The following PTPRD variants were observed in gnomAD, a reference collection of about 807,000 sequenced individuals.
The protein encoded by PTPRD is protein tyrosine phosphatase receptor type D.
In PTPRD, 34 loss-of-function variants were observed where a neutral mutation model predicts 214.5. The observed-to-expected ratio is 0.16, with a 90% CI of 0.12 to 0.21. The LOEUF (loss-of-function observed/expected upper bound fraction) is 0.21. PTPRD is among the 10% of genes least tolerant of loss of function. PTPRD has a pLI of 1.00. For missense variants in PTPRD, 2,545 were observed against 2,398.7 expected, an observed-to-expected ratio of 1.06 and a Z score of -1.27; for synonymous variants, 1,128 against 845.7, an observed-to-expected ratio of 1.33 and a Z score of -5.79.
chr9:9,420,760 G>A (rs1337761815), intron 8 of PTPRD, among the ~76,000 whole-genome samples: 3 of 151,750 alleles, frequency 2.0e-5, no homozygotes, highest in African/African-American at 7.3e-5. Flanking sequence ...TTTATGACAT[G>A]GAAAGATGCC....
intron 9 of PTPRD, among the ~76,000 whole-genome samples, chr9:9,264,929 T>A (rs1213631779): frequency 4.0e-5 from 6 of 149,256 alleles, no homozygotes; most frequent in Non-Finnish European, 7.4e-5. Flanking sequence ...CAACCAAGAA[T>A]ATTTTAAAGC....
intron 7 of PTPRD, among the ~76,000 whole-genome samples, chr9:9,635,265 A>G (rs1301128924): frequency 6.6e-6 from 1 of 152,180 alleles, no homozygotes; most frequent in Non-Finnish European, 1.5e-5. Context: ...TTGAGAGCAT[A>G]CTGTGTGTTA....
At chr9:8,952,757 G>A (rs987972498) in intron 11 of PTPRD, among the ~76,000 whole-genome samples, 1 of 151,824 alleles carries the variant, frequency 6.6e-6, no homozygotes, top group African/African-American at 2.4e-5. Context: ...TGAATTCTAG[G>A]TAGAAGTGAT....
intron 30 of PTPRD, among the ~76,000 whole-genome samples, chr9:8,479,429 T>A (rs2096834393): frequency 6.6e-6 from 1 of 152,244 alleles, no homozygotes; most frequent in African/African-American, 2.4e-5. Flanking sequence ...TAGTTTGCTT[T>A]CTTTTTCTGC....
At chr9:8,928,064 G>T (rs910213242) in intron 11 of PTPRD, among the ~76,000 whole-genome samples, 3 of 151,954 alleles carry the variant, frequency 2.0e-5, no homozygotes, top group African/African-American at 7.3e-5. Context: ...TCTTTTCCTT[G>T]TAAATTTGTT....
intron 39 of PTPRD, among the ~76,000 whole-genome samples, chr9:8,345,098 T>C (rs1175299377): frequency 6.6e-6 from 1 of 152,046 alleles, no homozygotes; most frequent in Admixed American, 6.6e-5. Flanking sequence ...TGCTCTTCCT[T>C]TCCTCTGCCT....
chr9:9,277,463 T>A (rs1264105666), intron 9 of PTPRD, among the ~76,000 whole-genome samples: 1 of 151,386 alleles, frequency 6.6e-6, no homozygotes, highest in East Asian at 2.0e-4. Context: ...TATTTCTGAA[T>A]AATATAAATA....
At chr9:9,846,483 C>G (rs1599605588) in intron 5 of PTPRD, among the ~76,000 whole-genome samples, 1 of 152,208 alleles carries the variant, frequency 6.6e-6, no homozygotes, top group East Asian at 1.9e-4. Flanking sequence ...ATATGTAAAT[C>G]AAGTTATTAT....
At chr9:9,350,648 C>A (rs1176899222) in intron 9 of PTPRD, among the ~76,000 whole-genome samples, 1 of 151,970 alleles carries the variant, frequency 6.6e-6, no homozygotes, top group Non-Finnish European at 1.5e-5. Context: ...ACGGTTCATT[C>A]TCCTCAGATG....
In PTPRD at chr9:8,745,784, TTCTCTCTC is replaced by T. The variant is rs60391748; in HGVS notation, c.-103-11846_-103-11839del. Reference sequence around the variant, plus strand: ...ACCATCAAGTTCTATTTTATGGAGTTTCTCTCTCTCTCTCTCTCTCTCTCTCTCTTTTA... The same window carrying T: ...ACCATCAAGTTCTATTTTATGGAGTTTCTCTCTCTCTCTCTCTCTCTTTTA... On this transcript the variant is annotated intron_variant, in intron 11 of 45. Transcript: ENST00000381196. 1.3e-3 allele frequency among the ~76,000 whole-genome samples: 188 copies of T among 148,824 alleles called. 2 individuals are homozygous for T. The South Asian group carries it at 0.037, about 29-fold the overall frequency.
intron 9 of PTPRD, among the ~76,000 whole-genome samples, chr9:9,249,494 C>T (rs140801153): frequency 2.8e-3 from 427 of 152,202 alleles, no homozygotes; most frequent in African/African-American, 9.3e-3. Flanking sequence ...TTTGTCTTGA[C>T]CAAATCAGAA....
intron 7 of PTPRD, among the ~76,000 whole-genome samples, chr9:9,630,945 A>C (rs868797892): frequency 6.6e-6 from 1 of 152,228 alleles, no homozygotes. Context: ...AAAAGGATAA[A>C]ATACAGGAAT....
chr9:9,003,014 A>G (rs1339601344), intron 11 of PTPRD, among the ~76,000 whole-genome samples: 2 of 152,100 alleles, frequency 1.3e-5, no homozygotes, highest in Non-Finnish European at 2.9e-5. Context: ...TTTAACCCAA[A>G]GAAATCATGA....
intron 9 of PTPRD, among the ~76,000 whole-genome samples, chr9:9,305,780 G>A (rs1166732093): frequency 2.0e-5 from 3 of 152,158 alleles, no homozygotes; most frequent in African/African-American, 7.2e-5. Context: ...AAAAGGCCAT[G>A]TGGTTGTCAT....
intron 11 of PTPRD, among the ~76,000 whole-genome samples, chr9:8,811,798 T>C (rs2096811313): frequency 6.6e-6 from 1 of 152,232 alleles, no homozygotes; most frequent in Admixed American, 6.5e-5. Flanking sequence ...ACTGGATTTT[T>C]CTTACATGCA....
intron 8 of PTPRD, among the ~76,000 whole-genome samples, chr9:9,557,710 T>A (rs2081888065): frequency 2.0e-5 from 3 of 152,284 alleles, no homozygotes; most frequent in African/African-American, 7.2e-5. Context: ...GATTCCAGAT[T>A]TTTTGATAAT....
intron 3 of PTPRD, among the ~76,000 whole-genome samples, chr9:10,065,167 G>GAAAGAAAGAAAGAAAGAAAGAAAGAAAT (rs1567444676): frequency 9.3e-5 from 14 of 150,824 alleles, no homozygotes; most frequent in Non-Finnish European, 1.8e-4. Context: ...AAGAAAGAAA[G>GAAAGAAAGAAAGAAAGAAAGAAAGAAAT]AAAGAAAGAA....
At chr9:8,902,120 C>T (rs192743885) in intron 11 of PTPRD, among the ~76,000 whole-genome samples, 25 of 142,012 alleles carry the variant, frequency 1.8e-4, no homozygotes, top group East Asian at 1.7e-3. Context: ...ATATACTATG[C>T]ACATATTGAC....
chr9:8,663,724 C>A (rs1004104049), intron 12 of PTPRD, among the ~76,000 whole-genome samples: 13 of 152,090 alleles, frequency 8.5e-5, no homozygotes, highest in African/African-American at 3.1e-4. Context: ...CTCCTGACCT[C>A]AAATGATCTG....
Sources: gnomAD v4.1 joint callset for allele counts (sites outside exome capture counted in the v4.1 genomes callset) on GRCh38, gnomAD v4.1.1 for gene constraint, MANE v1.5 for transcripts, NCBI Gene and HGNC (gene_info 2026-07-23, HGNC 2026-07-21) for gene names.